RBM17: variants seen among roughly 807,000 people sequenced by gnomAD.
RBM17 encodes splicing factor 45.
RBM17 carries 7 observed loss-of-function variants against 53.2 expected under a neutral mutation model. That is an observed-to-expected ratio of 0.13 (90% confidence interval 0.07 to 0.25). The LOEUF (loss-of-function observed/expected upper bound fraction) is 0.25. Ranked by LOEUF, RBM17 falls within the 10% of genes least tolerant of loss-of-function variation. The pLI is 1.00. For synonymous variants in RBM17, 167 were observed against 178.1 expected (o/e 0.94, Z 0.50); for missense variants, 257 against 496.7 (o/e 0.52, Z 4.59).
intron 1 of RBM17, among the ~76,000 whole-genome samples, chr10:6,093,611 G>A (rs931168310): frequency 8.5e-5 from 13 of 152,204 alleles, no homozygotes; most frequent in African/African-American, 3.1e-4. Flanking sequence ...TCCCCTCGAA[G>A]TTTAATGGGC....
intron 10 of RBM17, 53 bp from the exon 11 acceptor site, chr10:6,115,186 C>T: frequency 7.2e-7 from 1 of 1,383,960 alleles, no homozygotes. Context: ...AGAGAAAACT[C>T]ATTCAATGCA....
rs1181758661 is a variant in RBM17, at chr10:6,112,727, A to G, written c.856+366A>G. 3.3e-6 allele frequency: 1 copy of G among 306,382 alleles called. No homozygotes were observed. The highest frequency in any genetic ancestry group is 6.3e-6 in the Non-Finnish European group (1 of 158,132). 19.0% of individuals were successfully genotyped at this position (306,382 alleles called of 1,614,324 possible). ...AGAGCCATATAGTGTGGCAGTGAATATACCTGCTATCTCCATCTCAGAGGT... is the reference window on the plus strand; with the variant it reads ...AGAGCCATATAGTGTGGCAGTGAATGTACCTGCTATCTCCATCTCAGAGGT... On this transcript the variant is annotated intron_variant, in intron 8 of 11. Transcript: ENST00000379888. The surrounding 1 kb of genome is among the most constrained non-coding windows in gnomAD (Gnocchi z 4.4).
At chr10:6,099,477 G>C (rs1344448493) in intron 2 of RBM17, among the ~76,000 whole-genome samples, 1 of 152,034 alleles carries the variant, frequency 6.6e-6, no homozygotes, top group Non-Finnish European at 1.5e-5. Flanking sequence ...GGACCCCCCT[G>C]CCCATACCAA....
intron 1 of RBM17, among the ~76,000 whole-genome samples, chr10:6,093,298 C>T (rs553815501): frequency 6.6e-6 from 1 of 152,262 alleles, no homozygotes; most frequent in Non-Finnish European, 1.5e-5. Flanking sequence ...ACTGCGACCT[C>T]CGCCTCCCGG....
intron 3 of RBM17, among the ~76,000 whole-genome samples, chr10:6,103,233 C>CATA (rs1052172321): frequency 2.6e-5 from 4 of 152,176 alleles, no homozygotes; most frequent in Admixed American, 6.5e-5. Context: ...CACAGTATCA[C>CATA]CTCAGGCATA....
intron 7 of RBM17, among the ~76,000 whole-genome samples, chr10:6,110,948 GGTTTTGTTTT>G (rs41295359): frequency 3.3e-5 from 5 of 151,474 alleles, no homozygotes; most frequent in South Asian, 2.1e-4. Context: ...ACATGAAGCT[GGTTTTGTTTT>G]GTTTTGTTTT....
At chr10:6,090,622 C>T (rs954745091) in intron 1 of RBM17, among the ~76,000 whole-genome samples, 3 of 152,164 alleles carry the variant, frequency 2.0e-5, no homozygotes, top group Non-Finnish European at 2.9e-5. Context: ...CCATTCTCCC[C>T]TGCCTATGAA....
At chr10:6,091,758 G>A (rs988735661) in intron 1 of RBM17, among the ~76,000 whole-genome samples, 1 of 151,976 alleles carries the variant, frequency 6.6e-6, no homozygotes, top group African/African-American at 2.4e-5. Context: ...GCCTTTAGGG[G>A]GCTTACACTG....
chr10:6,098,141 T>A (rs956087096), intron 2 of RBM17, among the ~76,000 whole-genome samples: 4 of 152,226 alleles, frequency 2.6e-5, no homozygotes, highest in African/African-American at 9.6e-5. Context: ...GTTTGTTTAC[T>A]ACTTTAGAGA....
At chr10:6,115,168 C>A in intron 10 of RBM17, 71 bp from the exon 11 acceptor site, 4 of 1,188,118 alleles carry the variant, frequency 3.4e-6, no homozygotes, top group South Asian at 1.4e-5. Context: ...TCTGAGAAAT[C>A]ATTTAAAAGA....
At chr10:6,098,563 GTTTTTTTTTTTTT>G (rs398012715) in intron 2 of RBM17, among the ~76,000 whole-genome samples, 3,620 of 46,506 alleles carry the variant, frequency 0.078, 82 homozygotes, top group East Asian at 0.26. Context: ...CAGGTTTTTT[GTTTTTTTTTTTTT>G]TTTTTTTTTT....
Position 6,117,044 on chromosome 10 carries a change from C to T in RBM17, c.*1488C>T, listed in dbSNP as rs369740665. The T allele has an allele frequency of 3.8e-5, 3 of 79,676 alleles. No individual in the cohort carries two copies. Among genetic ancestry groups the T allele is most frequent in the Non-Finnish European group, 8.3e-5 (3 of 36,228 alleles). The allele number at this position is 79,676 out of a possible 1,614,324, so 4.9% of individuals were successfully genotyped here. On this transcript the variant is annotated 3_prime_UTR_variant, in exon 12 of 12. Coordinates refer to ENST00000379888, the MANE Select transcript of RBM17 (RefSeq NM_032905.5). ...AAACCATGTTTGTGCTTACAAGTAC[C>T]GGAGTGTGCTTGTTTAATTTTAGAA... is the stretch of plus-strand genomic sequence containing the variant.
At chr10:6,113,778 C>T (rs1160995547) in intron 9 of RBM17, 197 bp downstream of exon 9, 3 of 588,320 alleles carry the variant, frequency 5.1e-6, no homozygotes, top group African/African-American at 1.9e-5. Flanking sequence ...TTTAAGACTG[C>T]AGTGAGTAAT....
In RBM17 at chr10:6,108,735, C is replaced by A; in HGVS notation, c.555C>A (p.Asp185Glu). 6.2e-7 allele frequency: 1 copy of A among 1,610,738 alleles called. No homozygotes were observed. Among genetic ancestry groups the A allele is most frequent in the Non-Finnish European group, 8.5e-7 (1 of 1,177,538 alleles). ...IAPPTSLVEK[D>E]KELPRDFPYE... ...CACCCACTTCTCTGGTAGAGAAAGA[C>A]AAAGAGTGTAAGTAGATCTGTTTCT... Residue 185 changes from aspartate to glutamate, a missense_variant, in exon 6 of 12, where the codon GAC becomes GAA. Around this residue, in one of 6 missense-constraint regions of RBM17, gnomAD observed 68 missense variants for 60.0 expected, o/e 1.13. Transcript: ENST00000379888.
At chr10:6,094,729 A>G (rs1187202168) in intron 1 of RBM17, among the ~76,000 whole-genome samples, 1 of 152,238 alleles carries the variant, frequency 6.6e-6, no homozygotes, top group Non-Finnish European at 1.5e-5. Context: ...CTAGATGTGA[A>G]CAATGAGTTT....
rs763616118 is a variant in RBM17 at position 6,112,243 on chromosome 10, C to T, written c.738C>T (p.Tyr246=). ...TGGCGCACAAGATCATGCAGAAGTA[C>T]GGCTTCCGGGAGGGCCAGGGTCTGG... ...GTVAHKIMQK[Y]GFREGQGLGK... is the part of the protein sequence containing the mutation. The change falls in exon 8 of 12, where the codon TAC becomes TAT. Residue 246 remains tyrosine (Y), a synonymous_variant. Coordinates refer to ENST00000379888, the MANE Select transcript of RBM17 (RefSeq NM_032905.5). This position sits in a 1 kb window ranked among gnomAD's most constrained non-coding sequence, Gnocchi z 4.4. 11 of 1,613,308 alleles carry T rather than the reference C, an allele frequency of 6.8e-6. No individual in the cohort carries two copies. The highest frequency in any genetic ancestry group is 2.2e-5 in the East Asian group (1 of 44,872).
At chr10:6,111,721 T>C (rs1380959369) in intron 7 of RBM17, among the ~76,000 whole-genome samples, 1 of 152,228 alleles carries the variant, frequency 6.6e-6, no homozygotes, top group Non-Finnish European at 1.5e-5. Context: ...TGGCCTCCGT[T>C]TATTTCTCAT....
rs753704119 is a variant in RBM17, at chr10:6,117,176, G to C, written c.*1620G>C. ...GCTTTTCCTAACATTCTCATGGTCA[G>C]CAACCAGAGAGTTGCAACCAACTCA... On this transcript the variant is annotated 3_prime_UTR_variant, in exon 12 of 12. Coordinates refer to ENST00000379888, the MANE Select transcript of RBM17 (RefSeq NM_032905.5). 2.6e-5 allele frequency: 4 copies of C among 152,332 alleles called. No individual in the cohort carries two copies. The highest frequency in any genetic ancestry group is 5.9e-5 in the Non-Finnish European group (4 of 68,038). The allele number at this position is 152,332 out of a possible 1,614,324, so 9.4% of individuals were successfully genotyped here.
At position 6,115,457 on chromosome 10, in the gene RBM17, T is replaced by A. The variant is rs545371322; in HGVS notation, c.1107T>A (p.Val369=). 1 of 1,611,820 alleles carries A rather than the reference T, an allele frequency of 6.2e-7. No individual in the cohort carries two copies. Among genetic ancestry groups the A allele is most frequent in the South Asian group, 1.1e-5 (1 of 91,036 alleles). Residue 369 remains valine (V), a synonymous_variant, in exon 12 of 12, where the codon GTT becomes GTA. Transcript: ENST00000379888. ...TGTCTTTTGTTTGCCTTTCAGCGGT[T>A]GTTGACTTGAATGGGAGGTATTTTG... ...FERVESAIKA[V]VDLNGRYFGG...
Sources: gnomAD v4.1 joint callset for allele counts (sites outside exome capture counted in the v4.1 genomes callset) on GRCh38, gnomAD v4.1.1 for gene constraint, gnomAD v4.1.1 regional missense constraint, Gnocchi (gnomAD v3.1) non-coding constraint, MANE v1.5 for transcripts, NCBI Gene and HGNC (gene_info 2026-07-23, HGNC 2026-07-21) for gene names.